Variants in PACRG observed in about 807,000 individuals in gnomAD.
PACRG encodes the protein parkin coregulated gene protein.
PACRG carries 29 observed loss-of-function variants against 29.7 expected under a neutral mutation model. The ratio of observed to expected loss-of-function variants is 0.98; its 90% CI spans 0.73 to 1.33. PACRG has a LOEUF of 1.33. Among genes scored for constraint, PACRG ranks in the 40% most tolerant of loss-of-function variants. The pLI is 0.00. For synonymous variants in PACRG, 116 were observed against 118.7 expected (o/e 0.98, Z 0.15); for missense variants, 279 against 316.2 (o/e 0.88, Z 0.89).
chr6:163,029,701 C>A (rs1198287080), intron 2 of PACRG, among the ~76,000 whole-genome samples: 1 of 152,152 alleles, frequency 6.6e-6, no homozygotes, highest in Non-Finnish European at 1.5e-5. Context: ...ATTCCTGGAG[C>A]CCCTGCAACC....
intron 4 of PACRG, among the ~76,000 whole-genome samples, chr6:163,183,795 C>G (rs1425737923): frequency 6.6e-6 from 1 of 152,156 alleles, no homozygotes; most frequent in African/African-American, 2.4e-5. Flanking sequence ...TAGGAAAACG[C>G]AGGCCAATGA....
chr6:163,157,753 G>A (rs34774992), intron 4 of PACRG, among the ~76,000 whole-genome samples: 24,561 of 152,160 alleles, frequency 0.16, 1,983 homozygotes, highest in African/African-American at 0.2. Flanking sequence ...ACAAGCACTC[G>A]GCTTGGAAGA....
At chr6:162,753,140 A>C (rs889198210) in intron 1 of PACRG, among the ~76,000 whole-genome samples, 4 of 152,116 alleles carry the variant, frequency 2.6e-5, no homozygotes, top group African/African-American at 9.7e-5. Context: ...TTTGAAATAC[A>C]TAACACATTA....
intron 2 of PACRG, among the ~76,000 whole-genome samples, chr6:162,844,477 T>C (rs1188637028): frequency 6.6e-6 from 1 of 152,212 alleles, no homozygotes; most frequent in African/African-American, 2.4e-5. Flanking sequence ...GCGCACCCAC[T>C]GACCTGTGCC....
chr6:163,299,160 C>T (rs1784892940), intron 4 of PACRG, among the ~76,000 whole-genome samples: 1 of 152,188 alleles, frequency 6.6e-6, no homozygotes. Flanking sequence ...CTTGAAATCA[C>T]AGAATTTGGA....
At chr6:163,042,991 C>G (rs1808897787) in intron 2 of PACRG, 3 of 152,062 alleles carry the variant, frequency 2.0e-5, no homozygotes, top group Non-Finnish European at 2.9e-5. Context: ...TTCTTATCCC[C>G]TAGATTTATT....
At chr6:162,936,706 T>G (rs1798256164) in intron 2 of PACRG, among the ~76,000 whole-genome samples, 2 of 152,286 alleles carry the variant, frequency 1.3e-5, no homozygotes, top group Middle Eastern at 3.4e-3. Flanking sequence ...TAAATATTGC[T>G]TCTGTTGTTA....
chr6:163,259,828 A>G (rs1049349209), intron 4 of PACRG, among the ~76,000 whole-genome samples: 1 of 152,064 alleles, frequency 6.6e-6, no homozygotes, highest in Admixed American at 6.5e-5. Flanking sequence ...CGCTAGGACT[A>G]TAGGAGACCT....
chr6:162,728,136 G>C lies in PACRG; in HGVS notation c.-100G>C, dbSNP rs969335644. On this transcript the variant is annotated 5_prime_UTR_variant, in exon 1 of 5. Coordinates refer to ENST00000366888, the MANE Select transcript of PACRG (RefSeq NM_001080379.2). ...GAGGGGTTGAATTTCTACCATTATCGCGCCTTTTGATATTTTTTTCCAGAC... is the reference window on the plus strand; with the variant it reads ...GAGGGGTTGAATTTCTACCATTATCCCGCCTTTTGATATTTTTTTCCAGAC... 1.3e-5 allele frequency: 18 copies of C among 1,378,194 alleles called. No homozygotes were observed. The allele number at this position is 1,378,194 out of a possible 1,614,324, so 85.4% of individuals were successfully genotyped here.
At chr6:163,218,129 T>C (rs2128157916) in intron 4 of PACRG, among the ~76,000 whole-genome samples, 1 of 152,278 alleles carries the variant, frequency 6.6e-6, no homozygotes, top group Non-Finnish European at 1.5e-5. Flanking sequence ...ATTAGCTTCC[T>C]CTTCTCCAAA....
intron 2 of PACRG, among the ~76,000 whole-genome samples, chr6:162,916,836 T>A (rs1796728473): frequency 6.6e-6 from 1 of 152,064 alleles, no homozygotes; most frequent in Admixed American, 6.6e-5. Flanking sequence ...GACGCAATGA[T>A]GAATGGAGCT....
chr6:163,299,295 G>A (rs1784896816), intron 4 of PACRG, among the ~76,000 whole-genome samples: 1 of 152,244 alleles, frequency 6.6e-6, no homozygotes, highest in Non-Finnish European at 1.5e-5. Context: ...GCACCAGGCA[G>A]GCCATGTGGC....
At chr6:162,795,325 G>A (rs899195649) in intron 1 of PACRG, among the ~76,000 whole-genome samples, 5 of 152,112 alleles carry the variant, frequency 3.3e-5, no homozygotes, top group African/African-American at 1.2e-4. Flanking sequence ...TTGACTATAT[G>A]CGCCTGTTGG....
At chr6:163,146,796 A>G (rs1777819855) in intron 4 of PACRG, among the ~76,000 whole-genome samples, 1 of 152,200 alleles carries the variant, frequency 6.6e-6, no homozygotes, top group South Asian at 2.1e-4. Flanking sequence ...CAGAAATGAT[A>G]AACTTGAATT....
intron 2 of PACRG, among the ~76,000 whole-genome samples, chr6:162,968,446 G>C (rs1350829085): frequency 1.3e-5 from 2 of 152,194 alleles, no homozygotes; most frequent in Non-Finnish European, 2.9e-5. Context: ...TTTGTGGCTA[G>C]ATCGTGCAAT....
chr6:163,122,401 G>C (rs938094584), intron 4 of PACRG, among the ~76,000 whole-genome samples: 1 of 152,166 alleles, frequency 6.6e-6, no homozygotes, highest in Non-Finnish European at 1.5e-5. Flanking sequence ...GATCCCCACT[G>C]TTAGAGGTGG....
Position 162,963,611 on chromosome 6 carries a change from GTATT to G in PACRG, c.292-98536_292-98533del, listed in dbSNP as rs751233378. On this transcript the variant is annotated intron_variant, in intron 2 of 4. Coordinates refer to ENST00000366888, the MANE Select transcript of PACRG (RefSeq NM_001080379.2). Reference sequence around the variant, plus strand: ...TTATACATTTATTTAAATATAAAATGTATTTAAACATAAAAAGTATAAATTTATA... The same window carrying G: ...TTATACATTTATTTAAATATAAAATGTAAACATAAAAAGTATAAATTTATA... 2.9e-4 allele frequency among the ~76,000 whole-genome samples: 44 copies of G among 150,252 alleles called. No homozygotes were observed. In the East Asian group the frequency reaches 5.7e-3, roughly 19 times the overall value.
intron 1 of PACRG, among the ~76,000 whole-genome samples, chr6:162,780,323 T>C (rs574594254): frequency 6.6e-6 from 1 of 152,326 alleles, no homozygotes; most frequent in African/African-American, 2.4e-5. Flanking sequence ...CTAACAAAGC[T>C]TAAAGGCAAG....
intron 2 of PACRG, among the ~76,000 whole-genome samples, chr6:163,015,518 A>G (rs1004188404): frequency 3.9e-5 from 6 of 152,082 alleles, no homozygotes; most frequent in Admixed American, 2.0e-4. Context: ...TGTGTCATCT[A>G]TCATTTTTCT....
Sources: allele counts gnomAD v4.1 joint callset (sites outside exome capture counted in the v4.1 genomes callset), GRCh38; gene constraint gnomAD v4.1.1; transcripts MANE v1.5; gene names NCBI Gene and HGNC (gene_info 2026-07-23, HGNC 2026-07-21).